Variants in OXR1 observed in about 807,000 individuals in gnomAD.
The protein encoded by OXR1 is oxidation resistance 1.
A neutral mutation model predicts 104.6 loss-of-function variants in OXR1; 41 were observed. That is an observed-to-expected ratio of 0.39 (90% CI 0.31 to 0.51). The LOEUF (loss-of-function observed/expected upper bound fraction) is 0.51. OXR1 is among the 20% of genes least tolerant of loss of function. The pLI is 0.77. For missense variants in OXR1, 955 were observed against 1,031.9 expected (o/e 0.93, Z 1.02); for synonymous variants, 348 against 348.4 (o/e 1.00, Z 0.01).
At chr8:106,694,595 G>T (rs1829682969) in intron 7 of OXR1, among the ~76,000 whole-genome samples, 5 of 63,470 alleles carry the variant, frequency 7.9e-5, no homozygotes, top group Admixed American at 3.2e-4. Flanking sequence ...ATATATATTT[G>T]ATATATAAAT....
intron 3 of OXR1, among the ~76,000 whole-genome samples, chr8:106,622,453 G>GCA (rs34839524): frequency 0.36 from 48,472 of 136,048 alleles, 8,178 homozygotes; most frequent in Middle Eastern, 0.38. Context: ...ATCACCCCCA[G>GCA]CACACACACA....
intron 1 of OXR1, among the ~76,000 whole-genome samples, chr8:106,288,816 C>T (rs920561301): frequency 6.7e-6 from 1 of 149,850 alleles, no homozygotes; most frequent in Non-Finnish European, 1.5e-5. Context: ...TCTTAAGATA[C>T]CTGCATAATA....
At chr8:106,330,456 GA>G (rs937390971) in intron 1 of OXR1, among the ~76,000 whole-genome samples, 3 of 151,664 alleles carry the variant, frequency 2.0e-5, no homozygotes, top group African/African-American at 7.3e-5. Flanking sequence ...GAGACTTCAT[GA>G]AAAAAAAGTT....
rs925319822 is a variant in OXR1, at chr8:106,365,446, A to G, written c.23+5810A>G. Among the ~76,000 whole-genome samples, 7 of 152,130 alleles carry G rather than the reference A, an allele frequency of 4.6e-5. No homozygotes were observed. In the East Asian group the frequency reaches 1.4e-3, roughly 29 times the overall value. On this transcript the variant is annotated intron_variant, in intron 2 of 16. Transcript: ENST00000517566. The stretch of plus-strand genomic sequence containing the variant: ...CCTAGGAAGAGAAAAAAAAAAAAGA[A>G]TAGAATAGCCAAAACAAAAGCTCAA...
At chr8:106,593,388 T>C (rs545080181) in intron 3 of OXR1, among the ~76,000 whole-genome samples, 3 of 152,376 alleles carry the variant, frequency 2.0e-5, no homozygotes, top group South Asian at 4.1e-4. Context: ...GGATCCAGAA[T>C]TGATTTCTTT....
chr8:106,350,109 A>G lies in OXR1; in HGVS notation c.-138-9367A>G, dbSNP rs78149094. 2.1e-3 allele frequency among the ~76,000 whole-genome samples: 321 copies of G among 152,312 alleles called. 1 individual carries two copies. Among genetic ancestry groups the G allele is most frequent in the Non-Finnish European group, 3.3e-3 (225 of 68,018 alleles). On this transcript the variant is annotated intron_variant, in intron 1 of 16. Coordinates refer to ENST00000517566, the MANE Select transcript of OXR1 (RefSeq NM_001198533.2). ...AAAGATTGTACAGAATCAGAAACAG[A>G]GGAGAAAGAACCAGTAAGAGGCAGA...
intron 1 of OXR1, among the ~76,000 whole-genome samples, chr8:106,288,640 T>C (rs1318730664): frequency 6.8e-6 from 1 of 148,078 alleles, no homozygotes; most frequent in African/African-American, 2.5e-5. Flanking sequence ...TATATATTAA[T>C]ATATACACAC....
intron 1 of OXR1, among the ~76,000 whole-genome samples, chr8:106,309,541 A>G (rs2130125720): frequency 6.6e-6 from 1 of 152,196 alleles, no homozygotes; most frequent in South Asian, 2.1e-4. Flanking sequence ...GAAACTATAT[A>G]TGGATCTCTA....
intron 1 of OXR1, among the ~76,000 whole-genome samples, chr8:106,306,518 A>G (rs1211095175): frequency 7.2e-6 from 1 of 139,560 alleles, no homozygotes; most frequent in Non-Finnish European, 1.6e-5. Context: ...ATAGCTAAAA[A>G]CTAAAAAAAA....
At chr8:106,463,805 C>G (rs1272118603) in intron 2 of OXR1, among the ~76,000 whole-genome samples, 1 of 152,110 alleles carries the variant, frequency 6.6e-6, no homozygotes, top group Non-Finnish European at 1.5e-5. Context: ...TAGGACAACA[C>G]TGGCATTTAG....
At chr8:106,454,186 CAGG>C (rs200415357) in intron 2 of OXR1, among the ~76,000 whole-genome samples, 4,661 of 152,092 alleles carry the variant, frequency 0.031, 236 homozygotes, top group African/African-American at 0.11. Context: ...TCCATTTCAT[CAGG>C]AGTATTAGAG....
chr8:106,622,905 A>T (rs1821843514), intron 3 of OXR1, among the ~76,000 whole-genome samples: 1 of 152,236 alleles, frequency 6.6e-6, no homozygotes. Context: ...GAATGTCTTC[A>T]AACATTATTT....
At chr8:106,742,774 G>A (rs954977513) in intron 15 of OXR1, among the ~76,000 whole-genome samples, 4 of 152,092 alleles carry the variant, frequency 2.6e-5, no homozygotes, top group African/African-American at 9.6e-5. Flanking sequence ...AACCCCTTCC[G>A]TAAACCATAT....
At chr8:106,294,074 A>G (rs755546738) in intron 1 of OXR1, among the ~76,000 whole-genome samples, 1 of 148,616 alleles carries the variant, frequency 6.7e-6, no homozygotes, top group Non-Finnish European at 1.5e-5. Flanking sequence ...GTCACAGGGT[A>G]TATTAGGCCA....
chr8:106,532,015 A>G (rs941862638), intron 3 of OXR1, among the ~76,000 whole-genome samples: 3 of 152,224 alleles, frequency 2.0e-5, no homozygotes, highest in Non-Finnish European at 4.4e-5. Context: ...TCAGTGGACA[A>G]TTTTAAGAAT....
At chr8:106,370,830 T>C (rs561071561) in intron 2 of OXR1, among the ~76,000 whole-genome samples, 1 of 152,368 alleles carries the variant, frequency 6.6e-6, no homozygotes, top group South Asian at 2.1e-4. Flanking sequence ...CCCATCCATG[T>C]TCATCAGGGA....
In OXR1 at chr8:106,706,623, G is replaced by C; in HGVS notation, c.1102G>C (p.Glu368Gln). ...AGATAAATCTTCTGGTGCGTCATCA[G>C]AATCTGTGCAAACTGTCAATCAGGC... ...RQDKSSGASSESVQTVNQAEV... is the reference protein window; with the variant it reads ...RQDKSSGASSQSVQTVNQAEV... Residue 368 changes from glutamate (E) to glutamine (Q), a missense_variant, in exon 9 of 17, where the codon GAA becomes CAA. Coordinates refer to ENST00000517566, the MANE Select transcript of OXR1 (RefSeq NM_001198533.2). The C allele has an allele frequency of 1.9e-6, 3 of 1,613,490 alleles. No individual in the cohort carries two copies. Among genetic ancestry groups the C allele is most frequent in the African/African-American group, 2.7e-5 (2 of 75,012 alleles).
intron 3 of OXR1, among the ~76,000 whole-genome samples, chr8:106,556,798 T>C (rs1816316832): frequency 6.6e-6 from 1 of 152,206 alleles, no homozygotes; most frequent in South Asian, 2.1e-4. Context: ...GTAATGATTC[T>C]GCTGGTGTTG....
intron 1 of OXR1, among the ~76,000 whole-genome samples, chr8:106,299,991 G>A (rs1813162975): frequency 6.6e-6 from 1 of 152,168 alleles, no homozygotes; most frequent in African/African-American, 2.4e-5. Flanking sequence ...AAGAAGTGGG[G>A]TGAAAGCCTT....
Sources: allele counts gnomAD v4.1 joint callset (sites outside exome capture counted in the v4.1 genomes callset), GRCh38; gene constraint gnomAD v4.1.1; transcripts MANE v1.5; gene names NCBI Gene and HGNC (gene_info 2026-07-23, HGNC 2026-07-21).